The following ARL3 variants were observed in gnomAD, a reference collection of about 807,000 sequenced individuals.
ARL3 encodes ARF like GTPase 3.
A neutral mutation model predicts 26.0 loss-of-function variants in ARL3; 9 were observed. The ratio of observed to expected loss-of-function variants is 0.35; its 90% CI spans 0.21 to 0.60. The LOEUF (loss-of-function observed/expected upper bound fraction) is 0.60. Ranked by LOEUF, ARL3 falls within the 20% of genes least tolerant of loss-of-function variation. The pLI is 0.78. For synonymous variants in ARL3, 71 were observed against 78.4 expected (o/e 0.91, Z 0.50); for missense variants, 158 against 215.7 (o/e 0.73, Z 1.67).
At chr10:102,709,626 G>A (rs1292727080) in intron 1 of ARL3, among the ~76,000 whole-genome samples, 1 of 135,594 alleles carries the variant, frequency 7.4e-6, no homozygotes, top group African/African-American at 2.8e-5. Context: ...TGGGCTAGGT[G>A]ACAGAGCAAG....
At chr10:102,708,908 A>ATGTATTT in intron 1 of ARL3, among the ~76,000 whole-genome samples, 2 of 95,350 alleles carry the variant, frequency 2.1e-5, no homozygotes, top group Non-Finnish European at 4.0e-5. Flanking sequence ...ATATATATAT[A>ATGTATTT]TTTTTTTTTT....
intron 3 of ARL3, among the ~76,000 whole-genome samples, chr10:102,693,527 C>T (rs2136002298): frequency 6.6e-6 from 1 of 152,146 alleles, no homozygotes; most frequent in East Asian, 1.9e-4. Context: ...TTTGTAAAAC[C>T]AAGTTGTTTG....
intron 3 of ARL3, among the ~76,000 whole-genome samples, chr10:102,697,178 T>C (rs1249077721): frequency 6.6e-6 from 1 of 151,950 alleles, no homozygotes; most frequent in Non-Finnish European, 1.5e-5. Flanking sequence ...AGCTTTATTA[T>C]AATTTTTTTT....
chr10:102,713,892 A>G (rs2064363971), intron 1 of ARL3, among the ~76,000 whole-genome samples: 1 of 152,204 alleles, frequency 6.6e-6, no homozygotes, highest in African/African-American at 2.4e-5. Flanking sequence ...TTTACTGCAA[A>G]GCCGCGAGAC....
In ARL3 at chr10:102,705,453, G is replaced by A; in HGVS notation, c.40C>T (p.Pro14Ser). The change falls in exon 2 of 6, where the codon CCA (proline) becomes TCA (serine). Residue 14 changes from proline (P) to serine (S), a missense_variant. Physicochemically the swap from Pro to Ser is moderately conservative, Grantham distance 74. Coordinates refer to ENST00000260746, the MANE Select transcript of ARL3 (RefSeq NM_004311.4). ...LSILRKLKSA[P>S]DQEVRILLLG... ...AGAAGTATTCTCACCTCCTGGTCTG[G>A]TGCACTTTTCAACTTGCGCAAAATT... The A allele has an allele frequency of 6.2e-7, 1 of 1,605,782 alleles. No individual in the cohort carries two copies. Among genetic ancestry groups the A allele is most frequent in the Non-Finnish European group, 8.5e-7 (1 of 1,173,302 alleles).
intron 2 of ARL3, among the ~76,000 whole-genome samples, chr10:102,702,207 T>C (rs1374519948): frequency 6.6e-6 from 1 of 151,826 alleles, no homozygotes; most frequent in Non-Finnish European, 1.5e-5. Flanking sequence ...AAAATCTATA[T>C]CTAGATATAG....
intron 3 of ARL3, among the ~76,000 whole-genome samples, chr10:102,695,651 T>C (rs1167755690): frequency 6.6e-6 from 1 of 151,810 alleles, no homozygotes; most frequent in Non-Finnish European, 1.5e-5. Context: ...TCCACCTGAG[T>C]AGCTTACGGG....
intron 5 of ARL3, among the ~76,000 whole-genome samples, chr10:102,681,298 A>G (rs973240696): frequency 2.0e-5 from 3 of 151,702 alleles, no homozygotes; most frequent in Non-Finnish European, 4.4e-5. Context: ...AGGCTGAGGC[A>G]GGAGAATCGC....
chr10:102,696,560 G>A (rs530904968), intron 3 of ARL3, among the ~76,000 whole-genome samples: 16 of 152,282 alleles, frequency 1.1e-4, no homozygotes, highest in African/African-American at 2.4e-4. Flanking sequence ...CACCGCACCC[G>A]GCCAACAGTT....
intron 5 of ARL3, among the ~76,000 whole-genome samples, chr10:102,680,701 G>A (rs746236983): frequency 2.0e-5 from 3 of 152,104 alleles, no homozygotes; most frequent in Non-Finnish European, 4.4e-5. Context: ...GGAAGGAAGC[G>A]GTGGCAGCCA....
At chr10:102,686,610 G>T (rs1203353882) in intron 4 of ARL3, among the ~76,000 whole-genome samples, 1 of 151,330 alleles carries the variant, frequency 6.6e-6, no homozygotes, top group Non-Finnish European at 1.5e-5. Flanking sequence ...GACTGCAGGT[G>T]CACACTACCA....
chr10:102,685,403 TAACC>T (rs2064178204), intron 5 of ARL3, among the ~76,000 whole-genome samples: 1 of 152,032 alleles, frequency 6.6e-6, no homozygotes, highest in South Asian at 2.1e-4. Flanking sequence ...GTAGGGAAGA[TAACC>T]AACAGAAGAA....
At chr10:102,687,802 T>C (rs1330489008) in intron 4 of ARL3, among the ~76,000 whole-genome samples, 1 of 152,118 alleles carries the variant, frequency 6.6e-6, no homozygotes, top group Non-Finnish European at 1.5e-5. Flanking sequence ...GCTAGAATTA[T>C]AGCGATGAGC....
chr10:102,695,662 C>A (rs2064243347), intron 3 of ARL3, among the ~76,000 whole-genome samples: 1 of 151,986 alleles, frequency 6.6e-6, no homozygotes, highest in South Asian at 2.1e-4. Context: ...AGCTTACGGG[C>A]ATGTGCCGCC....
intron 1 of ARL3, among the ~76,000 whole-genome samples, chr10:102,713,682 C>T (rs948415477): frequency 1.3e-5 from 2 of 152,226 alleles, no homozygotes; most frequent in Non-Finnish European, 2.9e-5. Flanking sequence ...GACACCAAGA[C>T]GGCGTAAAAT....
chr10:102,703,478 C>G (rs868220080), intron 2 of ARL3, among the ~76,000 whole-genome samples: 2 of 109,598 alleles, frequency 1.8e-5, no homozygotes, highest in South Asian at 3.3e-4. Flanking sequence ...GAGTCTCGCT[C>G]TGTCGCCCAG....
At position 102,676,747 on chromosome 10, in the gene ARL3, G is replaced by A. The variant is rs2064132633; in HGVS notation, c.*147C>T. On this transcript the variant is annotated 3_prime_UTR_variant, in exon 6 of 6. Transcript: ENST00000260746. ...CAGTTAAATCTACTGCTGGAATGGG[G>A]ATTCTTTCTAAACCGTGTTGTTCCC... The A allele has an allele frequency of 1.4e-6, 1 of 737,442 alleles. No individual in the cohort carries two copies. Among genetic ancestry groups the A allele is most frequent in the African/African-American group, 1.8e-5 (1 of 56,834 alleles). 45.7% of individuals were successfully genotyped at this position (737,442 alleles called of 1,614,324 possible). A position where few individuals can be genotyped will look rare whatever the true frequency, so the allele number is the denominator to read the frequency against.
intron 3 of ARL3, among the ~76,000 whole-genome samples, chr10:102,690,814 G>A (rs1300624130): frequency 6.6e-6 from 1 of 151,476 alleles, no homozygotes; most frequent in Non-Finnish European, 1.5e-5. Context: ...GCTCATGTCA[G>A]ATGTTCTCAA....
intron 4 of ARL3, among the ~76,000 whole-genome samples, chr10:102,686,465 T>C (rs1026166079): frequency 1.4e-5 from 2 of 147,406 alleles, no homozygotes; most frequent in Non-Finnish European, 3.0e-5. Flanking sequence ...TTTTTTTCTT[T>C]CTTTTTTTTT....
Sources: allele counts gnomAD v4.1 joint callset (sites outside exome capture counted in the v4.1 genomes callset), GRCh38; gene constraint gnomAD v4.1.1; transcripts MANE v1.5; gene names NCBI Gene and HGNC (gene_info 2026-07-23, HGNC 2026-07-21).